EMID1: variants seen among roughly 807,000 people sequenced by gnomAD.
EMID1 encodes the protein EMI domain-containing protein 1.
A neutral mutation model predicts 60.6 loss-of-function variants in EMID1; 40 were observed. The ratio of observed to expected loss-of-function variants is 0.66; its 90% CI spans 0.51 to 0.86. EMID1 has a LOEUF of 0.86. Ranked by LOEUF, EMID1 falls within the 40% of genes least tolerant of loss-of-function variation. EMID1 has a pLI of 0.00. For missense variants in EMID1, 585 were observed against 597.1 expected (o/e 0.98, Z 0.21); for synonymous variants, 242 against 231.0 (o/e 1.05, Z -0.43).
chr22:29,246,601 A>C (rs897396204), intron 13 of EMID1, among the ~76,000 whole-genome samples: 1 of 152,128 alleles, frequency 6.6e-6, no homozygotes, highest in Non-Finnish European at 1.5e-5. Context: ...CAGGAGAAGC[A>C]AGCAGGCTGA....
At chr22:29,219,258 A>G (rs2040199709) in intron 3 of EMID1, among the ~76,000 whole-genome samples, 1 of 152,066 alleles carries the variant, frequency 6.6e-6, no homozygotes, top group African/African-American at 2.4e-5. Flanking sequence ...AGGCTGGCAG[A>G]AGCCAGTCTC....
intron 13 of EMID1, 25 bp from the exon 14 acceptor site, chr22:29,254,178 C>G: frequency 6.2e-7 from 1 of 1,613,602 alleles, no homozygotes; most frequent in South Asian, 1.1e-5. Context: ...CCCTTCACGG[C>G]TGCATCTGTC....
At chr22:29,226,083 C>G (rs533162216) in intron 4 of EMID1, among the ~76,000 whole-genome samples, 8 of 152,160 alleles carry the variant, frequency 5.3e-5, no homozygotes, top group African/African-American at 1.7e-4. Flanking sequence ...CAGTAAGTGT[C>G]GAGGCTCAGA....
chr22:29,221,365 G>A (rs1242702371), intron 3 of EMID1, among the ~76,000 whole-genome samples: 1 of 152,000 alleles, frequency 6.6e-6, no homozygotes, highest in South Asian at 2.1e-4. Flanking sequence ...ATTTTGTTTT[G>A]TTTTATTTTG....
intron 1 of EMID1, among the ~76,000 whole-genome samples, chr22:29,212,559 T>G (rs2039931139): frequency 6.7e-6 from 1 of 149,388 alleles, no homozygotes; most frequent in Non-Finnish European, 1.5e-5. Flanking sequence ...TCTTCCCATC[T>G]GTAATGTGGC....
intron 12 of EMID1, among the ~76,000 whole-genome samples, chr22:29,242,051 C>T (rs2041172689): frequency 6.6e-6 from 1 of 152,160 alleles, no homozygotes; most frequent in Non-Finnish European, 1.5e-5. Context: ...GCTGGGACTA[C>T]AGGTGCACAC....
chr22:29,233,264 C>A, intron 8 of EMID1, 115 bp from the exon 9 acceptor site: 2 of 1,082,672 alleles, frequency 1.8e-6, no homozygotes, highest in Non-Finnish European at 2.8e-6. Context: ...GTGGTACCAG[C>A]CATGCTGCAG....
intron 5 of EMID1, among the ~76,000 whole-genome samples, chr22:29,230,464 C>T (rs1200293441): frequency 2.0e-5 from 3 of 152,204 alleles, no homozygotes; most frequent in African/African-American, 7.2e-5. Context: ...CAGCAAGCAC[C>T]GCGACAGTCA....
chr22:29,249,538 G>C (rs927024110), intron 13 of EMID1, among the ~76,000 whole-genome samples: 1 of 151,726 alleles, frequency 6.6e-6, no homozygotes, highest in Non-Finnish European at 1.5e-5. Context: ...CTCCCAAAGT[G>C]CTGGGATTAC....
At chr22:29,243,167 G>C (rs1387564227) in intron 12 of EMID1, among the ~76,000 whole-genome samples, 1 of 152,036 alleles carries the variant, frequency 6.6e-6, no homozygotes, top group Non-Finnish European at 1.5e-5. Context: ...AGGCTGATGG[G>C]GCTGAGGTGC....
intron 3 of EMID1, among the ~76,000 whole-genome samples, chr22:29,224,351 C>T (rs1199608169): frequency 2.0e-5 from 3 of 152,238 alleles, no homozygotes; most frequent in Non-Finnish European, 2.9e-5. Context: ...CCAGTGCTGG[C>T]TCCACAGCCT....
chr22:29,231,404 C>T (rs1046905863), intron 6 of EMID1, 189 bp from the exon 7 acceptor site: 7 of 814,762 alleles, frequency 8.6e-6, no homozygotes, highest in African/African-American at 3.4e-5. Context: ...GGATGAGCCT[C>T]CCTCCTCCAG....
At chr22:29,214,896 C>A in intron 1 of EMID1, 30 bp from the exon 2 acceptor site, 1 of 1,479,414 alleles carries the variant, frequency 6.8e-7, no homozygotes, top group Non-Finnish European at 9.1e-7. Flanking sequence ...TGTGTGGTAC[C>A]TGAGTTTCCT....
At chr22:29,223,006 G>A (rs1021381058) in intron 3 of EMID1, among the ~76,000 whole-genome samples, 1 of 152,120 alleles carries the variant, frequency 6.6e-6, no homozygotes, top group Non-Finnish European at 1.5e-5. Flanking sequence ...AAGGAGAATC[G>A]CTTGAACCCA....
In EMID1 at chr22:29,215,634, G is replaced by A. The variant is rs748880968; in HGVS notation, c.319+4G>A. ...TCAGGAGTGAGCTGCGAGGAAGGTAGGACTGCCCGGCCGGCTCCCGGAGCC... is the reference window on the plus strand; with the variant it reads ...TCAGGAGTGAGCTGCGAGGAAGGTAAGACTGCCCGGCCGGCTCCCGGAGCC... On this transcript the variant is annotated splice_donor_region_variant and intron_variant, in intron 3 of 14. Coordinates refer to ENST00000334018, the MANE Select transcript of EMID1 (RefSeq NM_133455.4). The A allele has an allele frequency of 5.1e-5, 82 of 1,613,434 alleles. 1 individual carries two copies. Among genetic ancestry groups the A allele is most frequent in the Middle Eastern group, 5.0e-4 (3 of 6,060 alleles).
At chr22:29,243,420 CT>C in intron 12 of EMID1, 24 bp from the exon 13 acceptor site, 2 of 1,613,528 alleles carry the variant, frequency 1.2e-6, no homozygotes, top group Non-Finnish European at 1.7e-6. Flanking sequence ...TTCCTCACTG[CT>C]GCTATCTCTG....
intron 12 of EMID1, 79 bp downstream of exon 12, chr22:29,234,428 C>A: frequency 1.3e-6 from 2 of 1,503,270 alleles, no homozygotes; most frequent in African/African-American, 1.4e-5. Context: ...CCATCCCCTG[C>A]AACCAGAGCT....
chr22:29,213,607 G>C (rs1376935625), intron 1 of EMID1, among the ~76,000 whole-genome samples: 1 of 152,124 alleles, frequency 6.6e-6, no homozygotes, highest in Non-Finnish European at 1.5e-5. Flanking sequence ...GGTCGGCATG[G>C]GAGTCTCTGT....
intron 3 of EMID1, among the ~76,000 whole-genome samples, chr22:29,220,446 T>C (rs1215823722): frequency 2.0e-5 from 3 of 152,138 alleles, no homozygotes; most frequent in Non-Finnish European, 4.4e-5. Flanking sequence ...AACCCCTGGC[T>C]CTGGTCACTG....
Sources: allele counts gnomAD v4.1 joint callset (sites outside exome capture counted in the v4.1 genomes callset), GRCh38; gene constraint gnomAD v4.1.1; transcripts MANE v1.5; gene names NCBI Gene and HGNC (gene_info 2026-07-23, HGNC 2026-07-21).